Variants in ADGRL3 observed in about 807,000 individuals in gnomAD.
The protein encoded by ADGRL3 is adhesion G protein-coupled receptor L3.
ADGRL3 carries 62 observed loss-of-function variants against 153.5 expected under a neutral mutation model. That is an observed-to-expected ratio of 0.40 (90% CI 0.33 to 0.50). ADGRL3 has a LOEUF of 0.50. ADGRL3 is among the 20% of genes least tolerant of loss of function. The pLI, the probability that ADGRL3 is intolerant of heterozygous loss-of-function variation, is 0.47. For synonymous variants in ADGRL3, 710 were observed against 672.5 expected (o/e 1.06, Z -0.86); for missense variants, 1,641 against 1,859.4 (o/e 0.88, Z 2.16).
chr4:61,363,091 A>C (rs2096318635), intron 1 of ADGRL3, among the ~76,000 whole-genome samples: 1 of 152,184 alleles, frequency 6.6e-6, no homozygotes, highest in Non-Finnish European at 1.5e-5. Context: ...GAGGAACTTA[A>C]AATATTTCTT....
chr4:61,464,987 C>T (rs1431978908), intron 2 of ADGRL3, among the ~76,000 whole-genome samples: 1 of 152,132 alleles, frequency 6.6e-6, no homozygotes, highest in East Asian at 1.9e-4. Flanking sequence ...CTGGGGTCTC[C>T]TTCAGAAATG....
intron 9 of ADGRL3, among the ~76,000 whole-genome samples, chr4:61,824,164 A>G (rs1157837045): frequency 6.6e-6 from 1 of 152,210 alleles, no homozygotes; most frequent in East Asian, 1.9e-4. Context: ...CATCTTATTT[A>G]TTCATCTTAA....
chr4:61,719,379 T>C (rs1036164613), intron 6 of ADGRL3, among the ~76,000 whole-genome samples: 1 of 152,160 alleles, frequency 6.6e-6, no homozygotes, highest in Non-Finnish European at 1.5e-5. Context: ...TGCTACTGAA[T>C]TGTCATGAAC....
chr4:61,629,682 A>T (rs1275515772), intron 5 of ADGRL3, among the ~76,000 whole-genome samples: 9 of 134,936 alleles, frequency 6.7e-5, no homozygotes, highest in Non-Finnish European at 3.1e-5. Context: ...ACACCACTGC[A>T]CTCCAGCCTA....
chr4:61,700,194 G>A (rs879562503), intron 6 of ADGRL3, among the ~76,000 whole-genome samples: 1 of 152,128 alleles, frequency 6.6e-6, no homozygotes, highest in Non-Finnish European at 1.5e-5. Context: ...GAATATAGAT[G>A]TAAATAACAC....
intron 9 of ADGRL3, among the ~76,000 whole-genome samples, chr4:61,820,624 T>C (rs1383460272): frequency 6.6e-6 from 1 of 152,224 alleles, no homozygotes; most frequent in Non-Finnish European, 1.5e-5. Context: ...TGTTATAATT[T>C]TGTAGTTAAT....
chr4:61,442,493 G>T (rs1013873239), intron 2 of ADGRL3, among the ~76,000 whole-genome samples: 1 of 152,176 alleles, frequency 6.6e-6, no homozygotes, highest in Non-Finnish European at 1.5e-5. Flanking sequence ...AGGGTGAAAA[G>T]CTGATCAGGG....
At chr4:61,375,430 C>A (rs542242131) in intron 1 of ADGRL3, among the ~76,000 whole-genome samples, 1 of 151,836 alleles carries the variant, frequency 6.6e-6, no homozygotes, top group South Asian at 2.1e-4. Flanking sequence ...GGACATAAAC[C>A]GGGACAAGAT....
intron 1 of ADGRL3, among the ~76,000 whole-genome samples, chr4:61,348,379 T>C (rs943078169): frequency 6.6e-6 from 1 of 152,034 alleles, no homozygotes; most frequent in Admixed American, 6.6e-5. Context: ...GTGTGCTTTT[T>C]TAACATTCTG....
intron 5 of ADGRL3, among the ~76,000 whole-genome samples, chr4:61,640,848 G>A (rs2093633415): frequency 6.6e-6 from 1 of 152,088 alleles, no homozygotes. Flanking sequence ...TCTATAATAA[G>A]TTTATTGTCC....
At chr4:61,971,226 A>T (rs1010890422) in intron 17 of ADGRL3, among the ~76,000 whole-genome samples, 2 of 151,990 alleles carry the variant, frequency 1.3e-5, no homozygotes, top group East Asian at 3.9e-4. Flanking sequence ...TTACATATGT[A>T]TACATGTGCC....
chr4:61,396,024 G>C (rs1480659412), intron 2 of ADGRL3, among the ~76,000 whole-genome samples: 1 of 151,848 alleles, frequency 6.6e-6, no homozygotes, highest in Non-Finnish European at 1.5e-5. Context: ...CCATAAGTTG[G>C]GAAAACCACA....
At chr4:61,848,114 ATATT>A (rs1561353690) in intron 9 of ADGRL3, among the ~76,000 whole-genome samples, 1 of 111,120 alleles carries the variant, frequency 9.0e-6, no homozygotes, top group African/African-American at 3.5e-5. Context: ...TATAATATAT[ATATT>A]AGAGGAGCAG....
chr4:61,990,078 T>G (rs1246187584), intron 19 of ADGRL3, among the ~76,000 whole-genome samples: 5 of 152,034 alleles, frequency 3.3e-5, no homozygotes, highest in African/African-American at 1.2e-4. Flanking sequence ...AGGTCCATGT[T>G]AAAACTTGTA....
rs558159645 is a variant in ADGRL3, at chr4:61,250,716, G to C, written c.-240+48951G>C. Among the ~76,000 whole-genome samples, 8 of 152,208 alleles carry C rather than the reference G, an allele frequency of 5.3e-5. No individual in the cohort carries two copies. The East Asian group carries it at 1.4e-3, about 26-fold the overall frequency. On this transcript the variant is annotated intron_variant, in intron 1 of 26. Coordinates refer to ENST00000683033, the MANE Select transcript of ADGRL3 (RefSeq NM_001387552.1). Reference sequence around the variant, plus strand: ...GAACTGCATATTTTTTATCTCAAATGAGCTGTGTGTTACTGACAGCTGAGA... The same window carrying C: ...GAACTGCATATTTTTTATCTCAAATCAGCTGTGTGTTACTGACAGCTGAGA...
chr4:61,640,610 C>T (rs1243644718), intron 5 of ADGRL3, among the ~76,000 whole-genome samples: 1 of 151,988 alleles, frequency 6.6e-6, no homozygotes, highest in African/African-American at 2.4e-5. Flanking sequence ...CATTTATGTG[C>T]CAGTGGTTCT....
intron 6 of ADGRL3, among the ~76,000 whole-genome samples, chr4:61,708,534 G>T (rs1305371809): frequency 3.3e-5 from 5 of 151,162 alleles, no homozygotes; most frequent in Non-Finnish European, 5.9e-5. Context: ...AGTTTCCTTG[G>T]ATGATTTATT....
chr4:61,784,532 G>T (rs563695713), intron 8 of ADGRL3, among the ~76,000 whole-genome samples: 1 of 152,142 alleles, frequency 6.6e-6, no homozygotes, highest in East Asian at 1.9e-4. Flanking sequence ...GAGAACCACA[G>T]GTTCACTTTG....
intron 2 of ADGRL3, among the ~76,000 whole-genome samples, chr4:61,421,520 CTTAT>C (rs2097207608): frequency 6.6e-6 from 1 of 152,048 alleles, no homozygotes; most frequent in Non-Finnish European, 1.5e-5. Flanking sequence ...ATTCCAGTGC[CTTAT>C]TTATTTGGCC....
Sources: allele counts gnomAD v4.1 joint callset (sites outside exome capture counted in the v4.1 genomes callset), GRCh38; gene constraint gnomAD v4.1.1; transcripts MANE v1.5; gene names NCBI Gene and HGNC (gene_info 2026-07-23, HGNC 2026-07-21).